PSMA1: variants seen among roughly 807,000 people sequenced by gnomAD.
The protein encoded by PSMA1 is proteasome 20S subunit alpha 1, also known as proteasome subunit alpha type-1.
Under a neutral mutation model 38.4 loss-of-function variants are expected in PSMA1, and 3 were observed. That is an observed-to-expected ratio of 0.08 (90% confidence interval 0.04 to 0.20). The LOEUF is 0.20. Among genes scored for constraint, PSMA1 ranks in the 10% least tolerant of loss-of-function variants. PSMA1 has a pLI of 1.00. For synonymous variants in PSMA1, 101 were observed against 107.1 expected (o/e 0.94, Z 0.35); for missense variants, 227 against 325.3 (o/e 0.70, Z 2.32).
At chr11:14,505,811 C>T (rs1436075895) in intron 9 of PSMA1, among the ~76,000 whole-genome samples, 4 of 151,920 alleles carry the variant, frequency 2.6e-5, no homozygotes, top group Non-Finnish European at 5.9e-5. Context: ...TTGAAACTGG[C>T]CTGGGCAACA....
At chr11:14,507,789 A>G (rs1851271004) in intron 8 of PSMA1, 23 bp from the exon 9 acceptor site, 1 of 1,431,590 alleles carries the variant, frequency 7.0e-7, no homozygotes, top group South Asian at 1.2e-5. Context: ...ATATGGTAAA[A>G]GTAAAATAAG....
upstream of PSMA1, among the ~76,000 whole-genome samples, chr11:14,524,301 G>C (rs1332947072): frequency 1.3e-5 from 2 of 152,006 alleles, no homozygotes; most frequent in Non-Finnish European, 2.9e-5. Flanking sequence ...CATATCCCCA[G>C]TGACCTGCAC....
At chr11:14,531,792 T>C (rs1307603196) in intron 2 of PSMA1, among the ~76,000 whole-genome samples, 2 of 152,178 alleles carry the variant, frequency 1.3e-5, no homozygotes, top group Admixed American at 6.5e-5. Flanking sequence ...TAGTATTCTA[T>C]GGTACTTTAA....
intron 2 of PSMA1, among the ~76,000 whole-genome samples, chr11:14,549,428 G>A (rs576964246): frequency 1.4e-3 from 214 of 151,986 alleles, no homozygotes; most frequent in African/African-American, 4.6e-3. Context: ...TTGGCCGGGC[G>A]TGGTGGCTCA....
intron 2 of PSMA1, among the ~76,000 whole-genome samples, chr11:14,580,967 T>C (rs1852274886): frequency 6.6e-6 from 1 of 152,142 alleles, no homozygotes; most frequent in African/African-American, 2.4e-5. Flanking sequence ...GTGATAGGAA[T>C]GACAGATGAA....
intron 1 of PSMA1, among the ~76,000 whole-genome samples, chr11:14,614,741 TG>T (rs1341738045): frequency 6.6e-6 from 1 of 152,206 alleles, no homozygotes; most frequent in Non-Finnish European, 1.5e-5. Flanking sequence ...CTAGAATCTT[TG>T]CTTCCTTATC....
At chr11:14,583,597 A>G (rs902767372) in intron 2 of PSMA1, among the ~76,000 whole-genome samples, 1 of 152,222 alleles carries the variant, frequency 6.6e-6, no homozygotes, top group Non-Finnish European at 1.5e-5. Context: ...CAGATGATTA[A>G]CTTTGGGCTC....
At chr11:14,602,556 G>C (rs887757117) in intron 2 of PSMA1, among the ~76,000 whole-genome samples, 3 of 152,122 alleles carry the variant, frequency 2.0e-5, no homozygotes, top group African/African-American at 7.2e-5. Flanking sequence ...TCTACAAAGT[G>C]TATGAAATTT....
At chr11:14,524,325 T>C (rs1589982686), upstream of PSMA1, among the ~76,000 whole-genome samples, 2 of 152,220 alleles carry the variant, frequency 1.3e-5, no homozygotes, top group African/African-American at 4.8e-5. Context: ...TACATCCAGA[T>C]GGCCTGAAGC....
intron 1 of PSMA1, among the ~76,000 whole-genome samples, chr11:14,615,961 A>G (rs921312591): frequency 2.0e-4 from 30 of 152,276 alleles, no homozygotes; most frequent in African/African-American, 7.2e-4. Context: ...ATGTGCAGAT[A>G]ACCTGAGGGA....
chr11:14,615,519 G>A (rs1409946199), intron 1 of PSMA1, among the ~76,000 whole-genome samples: 1 of 152,204 alleles, frequency 6.6e-6, no homozygotes, highest in Non-Finnish European at 1.5e-5. Flanking sequence ...CAGAGTTCCT[G>A]TGAGGTAGCT....
intron 2 of PSMA1, among the ~76,000 whole-genome samples, chr11:14,563,193 C>T (rs1418611826): frequency 1.3e-5 from 2 of 152,116 alleles, no homozygotes; most frequent in African/African-American, 4.8e-5. Flanking sequence ...AACTATTTTA[C>T]AATCTGTTTG....
intron 1 of PSMA1, among the ~76,000 whole-genome samples, chr11:14,622,830 T>A (rs1852864513): frequency 6.6e-6 from 1 of 152,008 alleles, no homozygotes; most frequent in Non-Finnish European, 1.5e-5. Flanking sequence ...GTGACAGTGG[T>A]GGGAAAACAT....
intron 2 of PSMA1, among the ~76,000 whole-genome samples, chr11:14,535,688 G>A (rs148143775): frequency 8.6e-5 from 13 of 151,726 alleles, no homozygotes; most frequent in Middle Eastern, 6.8e-3. Context: ...CAGGTGATGC[G>A]CCCACCTCGG....
chr11:14,637,417 C>T (rs530845599), intron 1 of PSMA1, among the ~76,000 whole-genome samples: 1 of 152,202 alleles, frequency 6.6e-6, no homozygotes, highest in Non-Finnish European at 1.5e-5. Flanking sequence ...CATTTGTTTA[C>T]TTATTTTCTC....
intron 1 of PSMA1, among the ~76,000 whole-genome samples, chr11:14,630,878 C>A (rs1565063326): frequency 6.6e-6 from 1 of 152,050 alleles, no homozygotes; most frequent in Non-Finnish European, 1.5e-5. Context: ...TCAACTTCTT[C>A]CTGGTTTAGT....
intron 2 of PSMA1, among the ~76,000 whole-genome samples, chr11:14,530,310 G>T (rs1851633837): frequency 6.6e-6 from 1 of 152,144 alleles, no homozygotes; most frequent in African/African-American, 2.4e-5. Context: ...GCTAAGAGTT[G>T]CAAAAACAGT....
chr11:14,514,069 C>T (rs952850843), intron 5 of PSMA1, 182 bp from the exon 6 acceptor site: 3 of 1,321,136 alleles, frequency 2.3e-6, no homozygotes, highest in Non-Finnish European at 2.9e-6. Context: ...TCTACCGAAC[C>T]TAAGAAAGAG....
chr11:14,535,603 C>T (rs1180977358), intron 2 of PSMA1, among the ~76,000 whole-genome samples: 1 of 151,910 alleles, frequency 6.6e-6, no homozygotes, highest in East Asian at 1.9e-4. Context: ...GCCACCACAC[C>T]CGGCTAATTT....
Sources: allele counts gnomAD v4.1 joint callset (sites outside exome capture counted in the v4.1 genomes callset), GRCh38; gene constraint gnomAD v4.1.1; transcripts MANE v1.5; gene names NCBI Gene and HGNC (gene_info 2026-07-23, HGNC 2026-07-21).